The following DNAH5 variants were observed in gnomAD, a reference collection of about 807,000 sequenced individuals.
The protein encoded by DNAH5 is dynein axonemal heavy chain 5.
In DNAH5, 372 loss-of-function variants were observed where a neutral mutation model predicts 518.2. The ratio of observed to expected loss-of-function variants is 0.72; its 90% CI spans 0.66 to 0.78. DNAH5 has a LOEUF of 0.78. DNAH5 is among the 30% of genes least tolerant of loss of function. The pLI is 0.00. For synonymous variants in DNAH5, 2,039 were observed against 2,025.9 expected (o/e 1.01, Z -0.17); for missense variants, 5,523 against 5,687.0 (o/e 0.97, Z 0.93).
chr5:13,944,116 A>G (rs1443492444), intron 1 of DNAH5, among the ~76,000 whole-genome samples: 1 of 152,236 alleles, frequency 6.6e-6, no homozygotes, highest in African/African-American at 2.4e-5. Flanking sequence ...GACCCCAGGA[A>G]AGCATCTTCC....
At chr5:13,738,593 T>C (rs557290251) in intron 65 of DNAH5, among the ~76,000 whole-genome samples, 1 of 152,262 alleles carries the variant, frequency 6.6e-6, no homozygotes, top group Non-Finnish European at 1.5e-5. Context: ...TATTGGCCTT[T>C]TCTTCCTCTT....
At chr5:13,998,511 G>A (rs1419624042) in intron 1 of DNAH5, among the ~76,000 whole-genome samples, 1 of 152,230 alleles carries the variant, frequency 6.6e-6, no homozygotes, top group African/African-American at 2.4e-5. Context: ...TCCCACGTAA[G>A]TGAAGGGCTC....
At chr5:13,703,420 A>T (rs1441642171) in intron 76 of DNAH5, among the ~76,000 whole-genome samples, 2 of 152,214 alleles carry the variant, frequency 1.3e-5, no homozygotes, top group Non-Finnish European at 2.9e-5. Context: ...CATAAGAGAC[A>T]TGATTTGAAC....
At chr5:13,794,133 A>T in intron 47 of DNAH5, 75 bp from the exon 48 acceptor site, 1 of 1,590,066 alleles carries the variant, frequency 6.3e-7, no homozygotes, top group Non-Finnish European at 8.6e-7. Flanking sequence ...AAAAAACAAC[A>T]AAAACTGGTA....
intron 5 of DNAH5, 65 bp from the exon 6 acceptor site, chr5:13,920,682 G>A (rs1243734559): frequency 7.5e-6 from 12 of 1,589,540 alleles, no homozygotes; most frequent in Non-Finnish European, 9.5e-6. Context: ...TGTGGGCCCT[G>A]TGTTTTCCAC....
chr5:13,885,011 G>A lies in DNAH5; in HGVS notation c.2961C>T (p.Ser987=). 1 of 1,614,184 alleles carries A rather than the reference G, an allele frequency of 6.2e-7. No homozygotes were observed. The highest frequency in any genetic ancestry group is 8.5e-7 in the Non-Finnish European group (1 of 1,180,022). The part of the protein sequence containing the change: ...TLEAIRKRIH[S]SHTINFRDSN... ...TACCCCGGAAGTTAATTGTGTGAGAGGAATGAATACGTTTGCGAATGGCCT... is the reference window on the plus strand; with the variant it reads ...TACCCCGGAAGTTAATTGTGTGAGAAGAATGAATACGTTTGCGAATGGCCT... Residue 987 remains serine, a synonymous_variant, in exon 19 of 79, where the codon TCC becomes TCT. Coordinates refer to ENST00000265104, the MANE Select transcript of DNAH5 (RefSeq NM_001369.3).
In DNAH5 at chr5:13,906,609, C is replaced by T. The variant is rs74289742; in HGVS notation, c.1645-4471G>A. The stretch of plus-strand genomic sequence containing the variant: ...GCCACGGAGGACATCTCAGTAAATA[C>T]CAAAATACTGACATAAAGTATTCCA... On this transcript the variant is annotated intron_variant, in intron 12 of 78. Coordinates refer to ENST00000265104, the MANE Select transcript of DNAH5 (RefSeq NM_001369.3). 6.2e-4 allele frequency among the ~76,000 whole-genome samples: 94 copies of T among 152,158 alleles called. 1 individual carries two copies. The East Asian group carries it at 0.016, about 26-fold the overall frequency.
intron 53 of DNAH5, among the ~76,000 whole-genome samples, chr5:13,778,596 A>AAGAAAGAAAGAGAGAGAGAGAAAGAAAG (rs768853052): frequency 6.6e-4 from 67 of 102,194 alleles, no homozygotes; most frequent in African/African-American, 2.4e-3. Flanking sequence ...GAAAGAAAGA[A>AAGAAAGAAAGAGAGAGAGAGAAAGAAAG]AGAGAGAGAG....
At chr5:13,835,166 T>C (rs779106825) in intron 35 of DNAH5, among the ~76,000 whole-genome samples, 13 of 151,910 alleles carry the variant, frequency 8.6e-5, no homozygotes, top group Non-Finnish European at 1.3e-4. Flanking sequence ...GCACCTGTAG[T>C]CCCAGCTACT....
rs749983185 is a variant in DNAH5, at chr5:13,883,094, T to C, written c.2984A>G (p.Asp995Gly). The change falls in exon 20 of 79, where the codon GAC becomes GGC. Residue 995 changes from aspartate to glycine, a missense_variant and splice_region_variant. Transcript: ENST00000265104. ...IHSSHTINFR[D>G]SNSASNMKQN... ...CTTCATGTTAGAGGCACTGTTACTG[T>C]CTGAGTTAACCCAAAACAAGGAAGA... The C allele has an allele frequency of 5.5e-5, 89 of 1,613,622 alleles. No homozygotes were observed. The highest frequency in any genetic ancestry group is 1.0e-4 in the Admixed American group (6 of 60,004).
At chr5:13,865,364 G>A (rs1274583542) in intron 27 of DNAH5, among the ~76,000 whole-genome samples, 1 of 152,054 alleles carries the variant, frequency 6.6e-6, no homozygotes, top group South Asian at 2.1e-4. Context: ...TTTTGTTCCA[G>A]ATGATAATCT....
chr5:13,744,421 T>C (rs769279010), intron 65 of DNAH5, among the ~76,000 whole-genome samples: 4 of 151,974 alleles, frequency 2.6e-5, no homozygotes, highest in Admixed American at 6.6e-5. Flanking sequence ...TAGTGTTTTA[T>C]AGCATTACAG....
chr5:13,731,083 C>T (rs2126584429), intron 68 of DNAH5, among the ~76,000 whole-genome samples: 1 of 152,296 alleles, frequency 6.6e-6, no homozygotes, highest in South Asian at 2.1e-4. Context: ...AGGTTATAAA[C>T]AAATGACAAT....
At chr5:13,782,636 T>C (rs1755351784) in intron 52 of DNAH5, among the ~76,000 whole-genome samples, 1 of 152,206 alleles carries the variant, frequency 6.6e-6, no homozygotes, top group Admixed American at 6.5e-5. Context: ...ACCATCATCA[T>C]TTCCTTTGAT....
intron 65 of DNAH5, among the ~76,000 whole-genome samples, chr5:13,737,803 T>G (rs1223022649): frequency 6.6e-6 from 1 of 152,084 alleles, no homozygotes; most frequent in Non-Finnish European, 1.5e-5. Flanking sequence ...GGCGCATACC[T>G]GTAGTCCCAG....
intron 65 of DNAH5, among the ~76,000 whole-genome samples, chr5:13,738,106 G>A (rs1747845214): frequency 1.3e-5 from 2 of 150,820 alleles, no homozygotes; most frequent in South Asian, 2.1e-4. Flanking sequence ...AAAAAAGGAG[G>A]AGGAGAAGTA....
At position 13,713,168 on chromosome 5, in the gene DNAH5, C is replaced by CAT. The variant is rs70962102; in HGVS notation, c.13125+1235_13125+1236dup. ...ATATACCGACATATATATATACCGACATATATATATATATACGGACATATA... is the reference window on the plus strand; with the variant it reads ...ATATACCGACATATATATATACCGACATATATATATATATATACGGACATATA... On this transcript the variant is annotated intron_variant, in intron 75 of 78. Transcript: ENST00000265104. 3.6e-3 allele frequency among the ~76,000 whole-genome samples: 497 copies of CAT among 136,500 alleles called. 2 individuals are homozygous for CAT. Among genetic ancestry groups the CAT allele is most frequent in the Middle Eastern group, 0.028 (7 of 254 alleles). 89.5% of individuals were successfully genotyped at this position (136,500 alleles called of 152,430 possible).
intron 1 of DNAH5, among the ~76,000 whole-genome samples, chr5:13,965,069 T>C (rs1317772998): frequency 1.3e-5 from 2 of 152,204 alleles, no homozygotes; most frequent in Admixed American, 6.5e-5. Flanking sequence ...CTTTCCCTAA[T>C]GCCAGTCCCT....
At chr5:13,816,468 T>C (rs1303743158) in intron 42 of DNAH5, among the ~76,000 whole-genome samples, 2 of 150,704 alleles carry the variant, frequency 1.3e-5, no homozygotes, top group Non-Finnish European at 2.9e-5. Context: ...TTCATTCAAC[T>C]AGCAATTCAA....
Sources: allele counts gnomAD v4.1 joint callset (sites outside exome capture counted in the v4.1 genomes callset), GRCh38; gene constraint gnomAD v4.1.1; transcripts MANE v1.5; gene names NCBI Gene and HGNC (gene_info 2026-07-23, HGNC 2026-07-21).